XKR6: variants seen among roughly 807,000 people sequenced by gnomAD.
XKR6 encodes the protein XK-related protein 6.
Under a neutral mutation model 56.7 loss-of-function variants are expected in XKR6, and 22 were observed. The observed-to-expected ratio is 0.39, with a 90% CI of 0.28 to 0.55. The LOEUF is 0.55. XKR6 is among the 20% of genes least tolerant of loss of function. The pLI is 0.66. For missense variants in XKR6, 852 were observed against 889.0 expected, an observed-to-expected ratio of 0.96 and a Z score of 0.53; for synonymous variants, 524 against 387.8, an observed-to-expected ratio of 1.35 and a Z score of -4.13.
At chr8:11,064,167 G>T (rs1031897477) in intron 1 of XKR6, among the ~76,000 whole-genome samples, 2 of 151,988 alleles carry the variant, frequency 1.3e-5, no homozygotes, top group African/African-American at 2.4e-5. Context: ...CCCAATAAAT[G>T]GTTTCATCTT....
At chr8:11,042,882 A>T (rs1039242892) in intron 1 of XKR6, among the ~76,000 whole-genome samples, 1 of 152,174 alleles carries the variant, frequency 6.6e-6, no homozygotes, top group Admixed American at 6.5e-5. Flanking sequence ...CCTAGCACTT[A>T]GGCCCAGAAG....
intron 1 of XKR6, among the ~76,000 whole-genome samples, chr8:11,005,693 C>G (rs1798351605): frequency 6.6e-6 from 1 of 152,050 alleles, no homozygotes; most frequent in East Asian, 1.9e-4. Flanking sequence ...TATGAATTTG[C>G]TAGCAAAAAT....
intron 1 of XKR6, among the ~76,000 whole-genome samples, chr8:10,940,928 C>T (rs1302327062): frequency 6.6e-6 from 1 of 152,198 alleles, no homozygotes; most frequent in Non-Finnish European, 1.5e-5. Context: ...CAGCTCCAGG[C>T]TTGGTTATGA....
chr8:11,001,943 C>T (rs1798249301), intron 1 of XKR6, among the ~76,000 whole-genome samples: 1 of 152,136 alleles, frequency 6.6e-6, no homozygotes, highest in African/African-American at 2.4e-5. Flanking sequence ...TTGCTCCCCA[C>T]AGCACTTCCT....
chr8:11,072,799 C>T (rs1014904318), intron 1 of XKR6, among the ~76,000 whole-genome samples: 1 of 150,510 alleles, frequency 6.6e-6, no homozygotes, highest in African/African-American at 2.5e-5. Flanking sequence ...GCCTATAATC[C>T]CAGCACTTTG....
rs185956401 is a variant in XKR6, at chr8:10,927,817, A to C, written c.765-2987T>G. Among the ~76,000 whole-genome samples, 67 of 151,906 alleles carry C rather than the reference A, an allele frequency of 4.4e-4. 1 individual carries two copies. Among genetic ancestry groups the C allele is most frequent in the African/African-American group, 1.5e-3 (63 of 41,432 alleles). ...GGTGGATGTAGGCAAAGAGGGTGCC[A>C]CTCCTCCCTGAGCCAATTAGCAAGC... On this transcript the variant is annotated intron_variant, in intron 1 of 2. Transcript: ENST00000416569.
At chr8:11,093,144 C>A (rs574543753) in intron 1 of XKR6, among the ~76,000 whole-genome samples, 1 of 150,394 alleles carries the variant, frequency 6.6e-6, no homozygotes, top group South Asian at 2.1e-4. Context: ...CAACCTCCAC[C>A]TCCCGGGTTC....
chr8:11,174,234 G>A (rs1017856768), intron 1 of XKR6, among the ~76,000 whole-genome samples: 2 of 152,196 alleles, frequency 1.3e-5, no homozygotes, highest in Admixed American at 6.5e-5. Flanking sequence ...AGGAACACAC[G>A]TGGAGATTCC....
At chr8:11,093,671 C>G (rs967429816) in intron 1 of XKR6, among the ~76,000 whole-genome samples, 1 of 152,092 alleles carries the variant, frequency 6.6e-6, no homozygotes, top group African/African-American at 2.4e-5. Flanking sequence ...TAGTGAATAA[C>G]TACTTCAAGT....
intron 1 of XKR6, among the ~76,000 whole-genome samples, chr8:11,149,433 A>G (rs1214448071): frequency 2.0e-5 from 3 of 152,350 alleles, no homozygotes; most frequent in African/African-American, 7.2e-5. Flanking sequence ...GTACACCAAA[A>G]TGTCATTATG....
intron 1 of XKR6, among the ~76,000 whole-genome samples, chr8:11,029,721 C>A (rs111465999): frequency 1.7e-3 from 260 of 152,138 alleles, no homozygotes; most frequent in South Asian, 3.1e-3. Context: ...CTTGCCAGTC[C>A]CCCCATTTCC....
At chr8:11,001,104 G>C (rs551379379) in intron 1 of XKR6, among the ~76,000 whole-genome samples, 1 of 152,172 alleles carries the variant, frequency 6.6e-6, no homozygotes, top group Non-Finnish European at 1.5e-5. Flanking sequence ...TTTGCACATG[G>C]GGAGTGAGAA....
chr8:11,026,963 T>TAGATGGTGTTG (rs1489127656), intron 1 of XKR6, among the ~76,000 whole-genome samples: 20 of 152,152 alleles, frequency 1.3e-4, no homozygotes, highest in African/African-American at 4.8e-4. Context: ...ACTACACACT[T>TAGATGGTGTTG]CGATGGTGTT....
At chr8:10,984,738 A>C (rs1332012422) in intron 1 of XKR6, among the ~76,000 whole-genome samples, 1,064 of 96,758 alleles carry the variant, frequency 0.011, 11 homozygotes, top group East Asian at 0.018. Flanking sequence ...CTCTCTATAT[A>C]TATATATATA....
intron 1 of XKR6, chr8:11,108,478 G>A (rs1261098006): frequency 2.5e-6 from 1 of 405,060 alleles, no homozygotes; most frequent in Non-Finnish European, 4.9e-6. Context: ...TAAAAAACAG[G>A]ACATTAGTAC....
intron 1 of XKR6, among the ~76,000 whole-genome samples, chr8:11,140,815 G>A (rs778334354): frequency 2.7e-5 from 4 of 149,856 alleles, no homozygotes; most frequent in African/African-American, 7.4e-5. Flanking sequence ...GGAGAATGGC[G>A]TGAACCCAGG....
intron 1 of XKR6, among the ~76,000 whole-genome samples, chr8:11,039,417 G>A (rs567403943): frequency 6.6e-6 from 1 of 152,350 alleles, no homozygotes; most frequent in East Asian, 1.9e-4. Flanking sequence ...TTAGGCCAAG[G>A]CCAGCCTTTC....
chr8:10,965,276 T>C lies in XKR6; in HGVS notation c.765-40446A>G, dbSNP rs141668770. Among the ~76,000 whole-genome samples the C allele has an allele frequency of 5.7e-4, 87 of 152,322 alleles. 1 individual carries two copies. The highest frequency in any genetic ancestry group is 9.1e-4 in the Non-Finnish European group (62 of 68,034). On this transcript the variant is annotated intron_variant, in intron 1 of 2. Transcript: ENST00000416569. ...GGCAAGCACATCAGCCCTACGGGCA[T>C]GGATGCAAGCAGGGCACGTGCCCTC...
chr8:11,041,763 G>A (rs1486414789), intron 1 of XKR6, among the ~76,000 whole-genome samples: 2 of 152,184 alleles, frequency 1.3e-5, no homozygotes, highest in Non-Finnish European at 2.9e-5. Flanking sequence ...ATCTGGCCCA[G>A]GCCAGGATAG....
Sources: gnomAD v4.1 joint callset for allele counts (sites outside exome capture counted in the v4.1 genomes callset) on GRCh38, gnomAD v4.1.1 for gene constraint, MANE v1.5 for transcripts, NCBI Gene and HGNC (gene_info 2026-07-23, HGNC 2026-07-21) for gene names.